OSBPL1A: variants seen among roughly 807,000 people sequenced by gnomAD.
OSBPL1A encodes oxysterol-binding protein-related protein 1.
In OSBPL1A, 80 loss-of-function variants were observed where a neutral mutation model predicts 137.1. That is an observed-to-expected ratio of 0.58 (90% CI 0.49 to 0.70). The LOEUF is 0.70. Among genes scored for constraint, OSBPL1A ranks in the 30% least tolerant of loss-of-function variants. The probability of loss-of-function intolerance (pLI) is 0.00; values close to 1 mark genes in which losing one functional copy is unlikely to be tolerated. For missense variants in OSBPL1A, 970 were observed against 1,129.4 expected (o/e 0.86, Z 2.02); for synonymous variants, 365 against 389.7 (o/e 0.94, Z 0.75).
chr18:24,383,071 G>A (rs73396216), intron 1 of OSBPL1A, among the ~76,000 whole-genome samples: 2,408 of 152,104 alleles, frequency 0.016, 58 homozygotes, highest in African/African-American at 0.055. Context: ...AATTATGAAT[G>A]GTTTTAAATG....
chr18:24,225,459 A>G (rs2088043155), intron 16 of OSBPL1A, among the ~76,000 whole-genome samples: 2 of 152,198 alleles, frequency 1.3e-5, no homozygotes, highest in South Asian at 4.1e-4. Flanking sequence ...ATCTCCAAAG[A>G]TTACTCAGTT....
chr18:24,246,629 A>G (rs1275740634), intron 15 of OSBPL1A, among the ~76,000 whole-genome samples: 1 of 151,940 alleles, frequency 6.6e-6, no homozygotes, highest in Non-Finnish European at 1.5e-5. Flanking sequence ...CGTCTCTACT[A>G]AAAATACAAA....
At chr18:24,258,927 T>C (rs1366013259) in intron 15 of OSBPL1A, among the ~76,000 whole-genome samples, 144 of 104,076 alleles carry the variant, frequency 1.4e-3, no homozygotes, top group African/African-American at 5.5e-3. Flanking sequence ...AATTACATCT[T>C]TTTTTTTTTT....
At chr18:24,263,999 A>G (rs2146045666) in intron 15 of OSBPL1A, among the ~76,000 whole-genome samples, 1 of 152,342 alleles carries the variant, frequency 6.6e-6, no homozygotes. Context: ...CCCAAAATGT[A>G]GTCAGCATAT....
chr18:24,385,101 C>T (rs915175254), intron 1 of OSBPL1A, among the ~76,000 whole-genome samples: 43 of 151,788 alleles, frequency 2.8e-4, no homozygotes, highest in African/African-American at 1.0e-3. Context: ...ACTACAGGCG[C>T]CCGCCACCAC....
In OSBPL1A at chr18:24,377,483, A is replaced by C. The variant is rs751764618; in HGVS notation, c.51T>G (p.Asn17Lys). 6.2e-7 allele frequency: 1 copy of C among 1,612,410 alleles called. No homozygotes were observed. The highest frequency in any genetic ancestry group is 8.5e-7 in the Non-Finnish European group (1 of 1,179,670). The change falls in exon 2 of 28, where the codon AAT becomes AAG. Residue 17 changes from asparagine (N) to lysine (K), a missense_variant. Coordinates refer to ENST00000319481, the MANE Select transcript of OSBPL1A (RefSeq NM_080597.4). ...CTAATAGTTGTCTTACTTCTTCAGC[A>C]TTGCCATTTCTGGCGTGATGGAGAA... is the stretch of plus-strand genomic sequence containing the variant. The part of the protein sequence containing the change: ...QQLLHHARNG[N>K]AEEVRQLLET...
At chr18:24,342,891 A>T (rs1304774300) in intron 4 of OSBPL1A, among the ~76,000 whole-genome samples, 1 of 152,104 alleles carries the variant, frequency 6.6e-6, no homozygotes, top group Non-Finnish European at 1.5e-5. Context: ...CTACCACATT[A>T]AAAAAACAGG....
chr18:24,309,028 C>A (rs369384883), intron 13 of OSBPL1A, among the ~76,000 whole-genome samples: 2 of 152,110 alleles, frequency 1.3e-5, no homozygotes, highest in African/African-American at 4.8e-5. Context: ...ACCTCAGCCT[C>A]CCAAAGTGCT....
At chr18:24,352,356 T>G (rs932448608) in intron 4 of OSBPL1A, among the ~76,000 whole-genome samples, 3 of 152,086 alleles carry the variant, frequency 2.0e-5, no homozygotes, top group Admixed American at 1.3e-4. Flanking sequence ...AAATTGCTTA[T>G]CTTCCAGAGA....
At chr18:24,383,823 TACTC>T (rs1179405690) in intron 1 of OSBPL1A, among the ~76,000 whole-genome samples, 1 of 152,258 alleles carries the variant, frequency 6.6e-6, no homozygotes, top group Non-Finnish European at 1.5e-5. Context: ...CCATAATAGT[TACTC>T]ATAAATGCTG....
intron 1 of OSBPL1A, among the ~76,000 whole-genome samples, chr18:24,389,018 T>A (rs1388710659): frequency 6.6e-6 from 1 of 152,176 alleles, no homozygotes; most frequent in Admixed American, 6.5e-5. Context: ...GTTGAACAGA[T>A]TTTTTAAAAA....
intron 24 of OSBPL1A, among the ~76,000 whole-genome samples, chr18:24,169,478 T>C (rs912704724): frequency 6.6e-6 from 1 of 152,236 alleles, no homozygotes; most frequent in Admixed American, 6.5e-5. Flanking sequence ...TATCAGTCTT[T>C]ACTATGAGCA....
intron 16 of OSBPL1A, among the ~76,000 whole-genome samples, chr18:24,233,714 T>A (rs771066729): frequency 3.3e-5 from 5 of 152,176 alleles, no homozygotes; most frequent in Non-Finnish European, 5.9e-5. Context: ...AATGGCGCGA[T>A]CTCGGCTCAC....
intron 15 of OSBPL1A, among the ~76,000 whole-genome samples, chr18:24,247,652 T>C (rs987506586): frequency 4.0e-4 from 60 of 148,456 alleles, no homozygotes; most frequent in African/African-American, 1.5e-3. Context: ...TTTTTTTTAA[T>C]AGGGACAGGG....
chr18:24,344,615 T>G (rs1362345888), intron 4 of OSBPL1A, among the ~76,000 whole-genome samples: 1 of 151,864 alleles, frequency 6.6e-6, no homozygotes, highest in Non-Finnish European at 1.5e-5. Context: ...CCATTTTAGG[T>G]GCGTGAAGTT....
At chr18:24,186,413 C>A (rs1026600078) in intron 18 of OSBPL1A, among the ~76,000 whole-genome samples, 1 of 151,946 alleles carries the variant, frequency 6.6e-6, no homozygotes, top group Non-Finnish European at 1.5e-5. Flanking sequence ...GCAACATGTT[C>A]AAAAATATTC....
intron 24 of OSBPL1A, among the ~76,000 whole-genome samples, chr18:24,167,849 C>T (rs2086182168): frequency 6.6e-6 from 1 of 152,178 alleles, no homozygotes; most frequent in Admixed American, 6.5e-5. Context: ...TTGCACACCA[C>T]TAGAATGTAA....
chr18:24,393,092 C>CAA (rs375497235), intron 1 of OSBPL1A, among the ~76,000 whole-genome samples: 1 of 147,412 alleles, frequency 6.8e-6, no homozygotes, highest in African/African-American at 2.5e-5. Flanking sequence ...ATGGCAATGG[C>CAA]AAAAAAAAAA....
At chr18:24,389,897 G>A (rs1183364987) in intron 1 of OSBPL1A, among the ~76,000 whole-genome samples, 6 of 151,830 alleles carry the variant, frequency 4.0e-5, no homozygotes, top group East Asian at 1.9e-4. Flanking sequence ...ACCCGAGATC[G>A]CACCACTGCA....
Sources: gnomAD v4.1 joint callset for allele counts (sites outside exome capture counted in the v4.1 genomes callset) on GRCh38, gnomAD v4.1.1 for gene constraint, MANE v1.5 for transcripts, NCBI Gene and HGNC (gene_info 2026-07-23, HGNC 2026-07-21) for gene names.